CNTN5: variants seen among roughly 807,000 people sequenced by gnomAD.
The protein encoded by CNTN5 is contactin-5.
Under a neutral mutation model 129.1 loss-of-function variants are expected in CNTN5, and 77 were observed. The observed-to-expected ratio is 0.60, with a 90% CI of 0.50 to 0.72. The LOEUF (loss-of-function observed/expected upper bound fraction) is 0.72. Ranked by LOEUF, CNTN5 falls within the 30% of genes least tolerant of loss-of-function variation. CNTN5 has a pLI of 0.00. For missense variants in CNTN5, 1,478 were observed against 1,328.8 expected (o/e 1.11, Z -1.75); for synonymous variants, 509 against 465.6 (o/e 1.09, Z -1.20).
At chr11:99,302,846 T>C (rs1297214555) in intron 1 of CNTN5, among the ~76,000 whole-genome samples, 1 of 151,656 alleles carries the variant, frequency 6.6e-6, no homozygotes, top group Non-Finnish European at 1.5e-5. Context: ...AAGGTTATCT[T>C]TGGTGTTTAG....
intron 4 of CNTN5, 141 bp downstream of exon 4, chr11:99,819,906 G>T: frequency 3.1e-6 from 2 of 654,544 alleles, no homozygotes; most frequent in Non-Finnish European, 5.2e-6. Context: ...AAGCAGGAGA[G>T]TTTTTAAAGC....
intron 6 of CNTN5, among the ~76,000 whole-genome samples, chr11:99,910,243 C>G (rs913367306): frequency 1.3e-5 from 2 of 152,020 alleles, no homozygotes; most frequent in Non-Finnish European, 2.9e-5. Flanking sequence ...CACAGACCCA[C>G]AAGTTTACAT....
At chr11:99,780,044 G>A (rs1347070467) in intron 3 of CNTN5, among the ~76,000 whole-genome samples, 1 of 151,954 alleles carries the variant, frequency 6.6e-6, no homozygotes, top group Non-Finnish European at 1.5e-5. Context: ...AGCATAGAAG[G>A]AGTCTGGACA....
intron 16 of CNTN5, among the ~76,000 whole-genome samples, chr11:100,244,779 A>C (rs1176537289): frequency 1.1e-4 from 16 of 152,150 alleles, no homozygotes; most frequent in South Asian, 2.1e-4. Flanking sequence ...TCATTTAAGA[A>C]ATTTTACTGC....
At chr11:99,732,747 TAGTA>T (rs753624552) in intron 3 of CNTN5, among the ~76,000 whole-genome samples, 6 of 152,170 alleles carry the variant, frequency 3.9e-5, no homozygotes, top group Non-Finnish European at 7.3e-5. Flanking sequence ...GAAAACATTT[TAGTA>T]AGAAAGGGAT....
chr11:99,937,966 C>T (rs980450478), intron 7 of CNTN5, among the ~76,000 whole-genome samples: 1 of 152,166 alleles, frequency 6.6e-6, no homozygotes, highest in Non-Finnish European at 1.5e-5. Context: ...AGAAACAAAA[C>T]ATTCCAAAAA....
Position 99,263,641 on chromosome 11 carries a change from G to T in CNTN5, c.-209-61705G>T, listed in dbSNP as rs575742406. ...TATTTGATTTTTATTTCTTGAGGCA[G>T]GTTCTTGCCCTGTCACCCAGATGGG... On this transcript the variant is annotated intron_variant, in intron 1 of 24. Coordinates refer to ENST00000524871, the MANE Select transcript of CNTN5 (RefSeq NM_014361.4). Among the ~76,000 whole-genome samples, 3 of 152,186 alleles carry T rather than the reference G, an allele frequency of 2.0e-5. No individual in the cohort carries two copies. The South Asian group carries it at 6.2e-4, about 32-fold the overall frequency.
intron 9 of CNTN5, among the ~76,000 whole-genome samples, chr11:100,054,431 A>G (rs1943115112): frequency 6.6e-6 from 1 of 151,794 alleles, no homozygotes; most frequent in African/African-American, 2.4e-5. Flanking sequence ...TCCTGAGCTC[A>G]TGTCTTTCTT....
At chr11:99,121,142 T>C (rs201859270) in intron 1 of CNTN5, among the ~76,000 whole-genome samples, 43,807 of 146,752 alleles carry the variant, frequency 0.3, 6,671 homozygotes, top group Middle Eastern at 0.37. Flanking sequence ...TTTCTTTTTT[T>C]TTTTTTTTTT....
At chr11:99,918,647 T>C (rs776685352) in intron 7 of CNTN5, among the ~76,000 whole-genome samples, 41 of 152,194 alleles carry the variant, frequency 2.7e-4, no homozygotes, top group African/African-American at 9.6e-4. Context: ...TTTTAGTATA[T>C]ATTATAGTAT....
chr11:99,116,135 T>C (rs1260718386), intron 1 of CNTN5, among the ~76,000 whole-genome samples: 3 of 152,194 alleles, frequency 2.0e-5, no homozygotes, highest in Non-Finnish European at 4.4e-5. Context: ...GAGAAAATAA[T>C]ATTACAAATG....
At chr11:99,242,580 G>C (rs1381411981) in intron 1 of CNTN5, among the ~76,000 whole-genome samples, 1 of 151,948 alleles carries the variant, frequency 6.6e-6, no homozygotes, top group Non-Finnish European at 1.5e-5. Context: ...AAAAGATTCT[G>C]TCACACAGGT....
At chr11:99,794,284 T>C (rs1166721005) in intron 3 of CNTN5, among the ~76,000 whole-genome samples, 1 of 152,110 alleles carries the variant, frequency 6.6e-6, no homozygotes, top group Admixed American at 6.5e-5. Flanking sequence ...TGGTAGATTT[T>C]CCTCCATCCC....
At chr11:99,052,428 T>C (rs1864464257) in intron 1 of CNTN5, among the ~76,000 whole-genome samples, 1 of 151,916 alleles carries the variant, frequency 6.6e-6, no homozygotes, top group African/African-American at 2.4e-5. Flanking sequence ...AAATACTTAA[T>C]GTGTTATAAC....
At chr11:99,418,411 C>A (rs1942753810) in intron 2 of CNTN5, among the ~76,000 whole-genome samples, 1 of 152,048 alleles carries the variant, frequency 6.6e-6, no homozygotes, top group Non-Finnish European at 1.5e-5. Flanking sequence ...AAGTTGACAT[C>A]AAGCCATTAA....
At chr11:99,247,809 G>A (rs1458791635) in intron 1 of CNTN5, among the ~76,000 whole-genome samples, 4 of 152,082 alleles carry the variant, frequency 2.6e-5, no homozygotes, top group Non-Finnish European at 4.4e-5. Flanking sequence ...TTTTATGGCT[G>A]CATGGTATTC....
intron 13 of CNTN5, among the ~76,000 whole-genome samples, chr11:100,080,628 GC>G (rs1410673231): frequency 6.6e-6 from 1 of 152,046 alleles, no homozygotes; most frequent in Admixed American, 6.6e-5. Flanking sequence ...TATAATTAGG[GC>G]CCTGTTTTTG....
chr11:99,359,318 C>A (rs958073777), intron 2 of CNTN5, among the ~76,000 whole-genome samples: 1 of 152,038 alleles, frequency 6.6e-6, no homozygotes, highest in African/African-American at 2.4e-5. Flanking sequence ...CCCTCAAACC[C>A]TTTTTCTAAA....
At chr11:100,278,962 G>A (rs1306256874) in intron 18 of CNTN5, among the ~76,000 whole-genome samples, 3 of 151,800 alleles carry the variant, frequency 2.0e-5, no homozygotes, top group East Asian at 1.9e-4. Flanking sequence ...TTTTTATGAT[G>A]TTGAGTTATA....
Sources: gnomAD v4.1 joint callset for allele counts (sites outside exome capture counted in the v4.1 genomes callset) on GRCh38, gnomAD v4.1.1 for gene constraint, MANE v1.5 for transcripts, NCBI Gene and HGNC (gene_info 2026-07-23, HGNC 2026-07-21) for gene names.